GALNS: variants seen among roughly 807,000 people sequenced by gnomAD.
GALNS encodes the protein galactosamine (N-acetyl)-6-sulfatase, also known as N-acetylgalactosamine-6-sulfatase.
A neutral mutation model predicts 65.9 loss-of-function variants in GALNS; 65 were observed. The observed-to-expected ratio is 0.99, with a 90% CI of 0.81 to 1.21. The LOEUF (loss-of-function observed/expected upper bound fraction) is 1.21. Among genes scored for constraint, GALNS ranks in the 50% most tolerant of loss-of-function variants. GALNS has a pLI of 0.00. For missense variants in GALNS, 776 were observed against 700.7 expected (o/e 1.11, Z -1.21); for synonymous variants, 346 against 288.9 (o/e 1.20, Z -2.00).
Position 88,836,175 on chromosome 16 carries a change from G to A in GALNS, c.633+26C>T, listed in dbSNP as rs773418168. 13 of 1,609,502 alleles carry A rather than the reference G, an allele frequency of 8.1e-6. No individual in the cohort carries two copies. In the South Asian group the frequency reaches 1.4e-4, roughly 18 times the overall value. On this transcript the variant is annotated intron_variant, in intron 6 of 13. Transcript: ENST00000268695. ...GTCCCCGTCCCCATGCGTCCCACAG[G>A]GCGAGGATGGTGCGGTCCCCATCAC...
At chr16:88,835,100 A>AGG (rs1396891064) in intron 8 of GALNS, 113 bp downstream of exon 8, 5 of 1,357,832 alleles carry the variant, frequency 3.7e-6, no homozygotes, top group Non-Finnish European at 5.1e-6. Context: ...CTGGACCCAG[A>AGG]GGGACCCTTC....
At chr16:88,842,170 G>A (rs990972986) in intron 2 of GALNS, 199 bp from the exon 3 acceptor site, 14 of 672,456 alleles carry the variant, frequency 2.1e-5, no homozygotes, top group African/African-American at 1.8e-4. Context: ...ACTGAAAGAC[G>A]CGTGGCCCTT....
chr16:88,842,616 C>T lies in GALNS; in HGVS notation c.244+90G>A, dbSNP rs1967026205. 5.3e-6 allele frequency: 8 copies of T among 1,495,360 alleles called. No individual in the cohort carries two copies. The Admixed American group carries it at 1.3e-4, about 25-fold the overall frequency. The allele number at this position is 1,495,360 out of a possible 1,614,324, so 92.6% of individuals were successfully genotyped here. A position where few individuals can be genotyped will look rare whatever the true frequency, so the allele number is the denominator to read the frequency against. Reference sequence around the variant, plus strand: ...GTAGTAGGAATAGACAAGGTTGATGCAGCCGCCCAGAGTCAGGGCTGGAAG... The same window carrying T: ...GTAGTAGGAATAGACAAGGTTGATGTAGCCGCCCAGAGTCAGGGCTGGAAG... On this transcript the variant is annotated intron_variant, in intron 2 of 13. Coordinates refer to ENST00000268695, the MANE Select transcript of GALNS (RefSeq NM_000512.5).
intron 9 of GALNS, among the ~76,000 whole-genome samples, chr16:88,827,855 G>A (rs1465897364): frequency 6.6e-6 from 1 of 152,224 alleles, no homozygotes; most frequent in African/African-American, 2.4e-5. Context: ...AGCTGGGCAG[G>A]GACCGCCATC....
At chr16:88,835,069 C>G (rs1025198615) in intron 8 of GALNS, 144 bp downstream of exon 8, 2 of 1,071,828 alleles carry the variant, frequency 1.9e-6, no homozygotes, top group Non-Finnish European at 1.4e-6. Flanking sequence ...GCTCGAGGCT[C>G]GGTGACATCT....
chr16:88,826,665 G>T, intron 10 of GALNS, 37 bp downstream of exon 10: 2 of 1,602,502 alleles, frequency 1.2e-6, no homozygotes, highest in Non-Finnish European at 1.7e-6. Context: ...TCACTACTTG[G>T]ATCGGGGGAA....
intron 1 of GALNS, among the ~76,000 whole-genome samples, chr16:88,851,783 G>T (rs559294662): frequency 3.9e-5 from 6 of 152,244 alleles, no homozygotes; most frequent in South Asian, 2.1e-4. Flanking sequence ...AGATCCACCT[G>T]CGAGGTGGCA....
intron 10 of GALNS, among the ~76,000 whole-genome samples, chr16:88,825,639 C>T (rs1045094361): frequency 6.6e-6 from 1 of 150,842 alleles, no homozygotes; most frequent in Non-Finnish European, 1.5e-5. Flanking sequence ...GGTGCCTGGG[C>T]GTCCCCTCAT....
chr16:88,853,015 C>T (rs988843358), intron 1 of GALNS, among the ~76,000 whole-genome samples: 4 of 152,000 alleles, frequency 2.6e-5, no homozygotes, highest in Non-Finnish European at 5.9e-5. Flanking sequence ...CTTTGGGAGG[C>T]TGAGGCAGGC....
chr16:88,843,380 C>T (rs12449164), intron 1 of GALNS: 101,653 of 441,640 alleles, frequency 0.23, 13,272 homozygotes, highest in East Asian at 0.56. Flanking sequence ...GGCCTGCATA[C>T]GAGCGTCCAG....
At chr16:88,847,963 G>A (rs1454867234) in intron 1 of GALNS, among the ~76,000 whole-genome samples, 1 of 152,174 alleles carries the variant, frequency 6.6e-6, no homozygotes, top group Non-Finnish European at 1.5e-5. Context: ...TCCATGGGTG[G>A]AAGCCTCAGC....
chr16:88,823,451 G>A (rs1274477407), intron 11 of GALNS, among the ~76,000 whole-genome samples: 4 of 152,260 alleles, frequency 2.6e-5, no homozygotes, highest in African/African-American at 7.2e-5. Flanking sequence ...CAAGGGGCTC[G>A]TCCGAGGACT....
At chr16:88,842,582 C>G (rs1967025194) in intron 2 of GALNS, 124 bp downstream of exon 2, 1 of 1,239,642 alleles carries the variant, frequency 8.1e-7, no homozygotes, top group Admixed American at 2.2e-5. Context: ...ACCTGCCACC[C>G]TCCCTGCAGT....
At chr16:88,856,406 G>A in intron 1 of GALNS, 1 of 701,526 alleles carries the variant, frequency 1.4e-6, no homozygotes, top group Non-Finnish European at 2.6e-6. Context: ...GGGCGGGAAA[G>A]GTCAGACGGG....
At chr16:88,854,315 C>T (rs904410596) in intron 1 of GALNS, among the ~76,000 whole-genome samples, 1 of 152,196 alleles carries the variant, frequency 6.6e-6, no homozygotes, top group African/African-American at 2.4e-5. Flanking sequence ...CGGAGGAAGC[C>T]CCGGACTCCA....
chr16:88,826,563 GCCT>G (rs1224230132), intron 10 of GALNS, 136 bp downstream of exon 10: 4 of 1,034,094 alleles, frequency 3.9e-6, no homozygotes, highest in Non-Finnish European at 5.6e-6. Context: ...AGGCACCCCT[GCCT>G]CCTCCTGCCC....
intron 12 of GALNS, among the ~76,000 whole-genome samples, chr16:88,820,708 G>A (rs931727452): frequency 5.3e-5 from 8 of 152,242 alleles, no homozygotes; most frequent in African/African-American, 1.9e-4. Flanking sequence ...TGGCTGGAGG[G>A]GCTCCAGCAA....
chr16:88,856,898 A>C lies in GALNS; in HGVS notation c.-21T>G. 1 of 1,499,364 alleles carries C rather than the reference A, an allele frequency of 6.7e-7. No homozygotes were observed. 92.9% of individuals were successfully genotyped at this position (1,499,364 alleles called of 1,614,324 possible). ...GCCATGGCAACCACGGGAGCCGCGG[A>C]GCCCCGGCCAGCGAGCCGACCTAGC... On this transcript the variant is annotated 5_prime_UTR_variant, in exon 1 of 14. Coordinates refer to ENST00000268695, the MANE Select transcript of GALNS (RefSeq NM_000512.5).
intron 2 of GALNS, 154 bp downstream of exon 2, chr16:88,842,552 G>C: frequency 2.2e-6 from 2 of 924,118 alleles, no homozygotes; most frequent in East Asian, 2.7e-5. Flanking sequence ...GCTGGGATTT[G>C]ATGAGAAAGG....
Sources: gnomAD v4.1 joint callset for allele counts (sites outside exome capture counted in the v4.1 genomes callset) on GRCh38, gnomAD v4.1.1 for gene constraint, MANE v1.5 for transcripts, NCBI Gene and HGNC (gene_info 2026-07-23, HGNC 2026-07-21) for gene names.